Variants in NCBP3 observed in about 807,000 individuals in gnomAD.
NCBP3 encodes the protein nuclear cap-binding protein subunit 3.
A neutral mutation model predicts 75.7 loss-of-function variants in NCBP3; 20 were observed. That is an observed-to-expected ratio of 0.26 (90% CI 0.19 to 0.38). The LOEUF is 0.38. NCBP3 is among the 10% of genes least tolerant of loss of function. The probability of loss-of-function intolerance (pLI) is 1.00; values close to 1 mark genes in which losing one functional copy is unlikely to be tolerated. For synonymous variants in NCBP3, 293 were observed against 290.5 expected (o/e 1.01, Z -0.09); for missense variants, 678 against 796.9 (o/e 0.85, Z 1.80).
intron 2 of NCBP3, among the ~76,000 whole-genome samples, chr17:3,841,979 G>GA (rs950993507): frequency 2.0e-5 from 3 of 151,854 alleles, no homozygotes; most frequent in African/African-American, 7.3e-5. Flanking sequence ...ATTAAAATCA[G>GA]AAAAAATGTC....
At chr17:3,815,858 G>A (rs1274823679) in intron 11 of NCBP3, among the ~76,000 whole-genome samples, 1 of 152,030 alleles carries the variant, frequency 6.6e-6, no homozygotes. Context: ...GCGGGGAGGG[G>A]GTCCTGGAAG....
intron 8 of NCBP3, 110 bp from the exon 9 acceptor site, chr17:3,821,462 T>C: frequency 1.2e-6 from 1 of 835,600 alleles, no homozygotes; most frequent in Non-Finnish European, 1.9e-6. Flanking sequence ...TCAATCTCTC[T>C]CCCAGGCTGA....
At chr17:3,838,166 G>T (rs950186181) in intron 3 of NCBP3, among the ~76,000 whole-genome samples, 1 of 152,198 alleles carries the variant, frequency 6.6e-6, no homozygotes, top group African/African-American at 2.4e-5. Flanking sequence ...TCCAACAGAT[G>T]TGAGAAAACA....
Position 3,846,141 on chromosome 17 carries a change from G to C in NCBP3, c.83C>G (p.Ala28Gly), listed in dbSNP as rs2054160405. 6.5e-7 allele frequency: 1 copy of C among 1,540,412 alleles called. No individual in the cohort carries two copies. Among genetic ancestry groups the C allele is most frequent in the Admixed American group, 2.0e-5 (1 of 50,466 alleles). The change falls in exon 1 of 13, where the codon GCG (alanine) becomes GGG (glycine). Residue 28 changes from alanine to glycine, a missense_variant. Around this residue, in one of 7 missense-constraint regions of NCBP3, gnomAD observed 76 missense variants for 53.8 expected, o/e 1.41. Coordinates refer to ENST00000389005, the MANE Select transcript of NCBP3 (RefSeq NM_001114118.3). This position sits in a 1 kb window ranked among gnomAD's most constrained non-coding sequence, Gnocchi z 4.6. ...GPALGLPSPE[A>G]ESGVDRGEPE... is the part of the protein sequence containing the mutation. ...CTCGCCACGGTCAACACCGGACTCCGCCTCAGGGGACGGGAGCCCCAGGGC... is the reference window on the plus strand; with the variant it reads ...CTCGCCACGGTCAACACCGGACTCCCCCTCAGGGGACGGGAGCCCCAGGGC...
rs1197854095 is a variant in NCBP3 at position 3,805,073 on chromosome 17, TCTC to T, written c.*7968_*7970del. The T allele has an allele frequency of 6.6e-6, 1 of 152,364 alleles. No homozygotes were observed. Among genetic ancestry groups the T allele is most frequent in the African/African-American group, 2.4e-5 (1 of 41,440 alleles). 9.4% of individuals were successfully genotyped at this position (152,364 alleles called of 1,614,324 possible). On this transcript the variant is annotated 3_prime_UTR_variant, in exon 13 of 13. Coordinates refer to ENST00000389005, the MANE Select transcript of NCBP3 (RefSeq NM_001114118.3). The stretch of plus-strand genomic sequence containing the variant: ...CCTCTGCCTCCTGGGTTCAAGCGAT[TCTC>T]CTGCCTCAGCCTCCCGAGTAGCTGG...
chr17:3,820,534 G>A (rs2053641496), intron 9 of NCBP3, among the ~76,000 whole-genome samples: 1 of 152,166 alleles, frequency 6.6e-6, no homozygotes. Flanking sequence ...CTCTTCTGAG[G>A]CATTCACATG....
rs1480946084 is a variant in NCBP3 at position 3,832,375 on chromosome 17, T to A, written c.356-3007A>T. Among the ~76,000 whole-genome samples the A allele has an allele frequency of 6.6e-5, 8 of 120,396 alleles. 2 individuals carry two copies. Among genetic ancestry groups the A allele is most frequent in the Non-Finnish European group, 1.6e-4 (8 of 50,136 alleles). 79.0% of individuals were successfully genotyped at this position (120,396 alleles called of 152,430 possible). On this transcript the variant is annotated intron_variant, in intron 3 of 12. Coordinates refer to ENST00000389005, the MANE Select transcript of NCBP3 (RefSeq NM_001114118.3). ...ATGGGCAGGCGCGGTGGCTCACGCC[T>A]GTAATCCCAGCACTTTGGGAGGCCG... is the stretch of plus-strand genomic sequence containing the variant.
intron 8 of NCBP3, 70 bp downstream of exon 8, chr17:3,821,883 C>A: frequency 1.0e-6 from 1 of 989,050 alleles, no homozygotes; most frequent in South Asian, 1.4e-5. Flanking sequence ...TTAGACATTT[C>A]ACCACGGAAT....
intron 12 of NCBP3, 152 bp from the exon 13 acceptor site, chr17:3,813,431 T>C: frequency 3.0e-6 from 3 of 990,608 alleles, no homozygotes; most frequent in Non-Finnish European, 4.4e-6. Flanking sequence ...GCAGGCAAAA[T>C]CTCATTTCCC....
At chr17:3,831,098 A>T (rs2143687479) in intron 3 of NCBP3, among the ~76,000 whole-genome samples, 1 of 149,354 alleles carries the variant, frequency 6.7e-6, no homozygotes, top group African/African-American at 2.5e-5. Context: ...TTTAGTAGAG[A>T]CGACGTTTCT....
intron 3 of NCBP3, among the ~76,000 whole-genome samples, chr17:3,833,669 C>T (rs2053924562): frequency 6.6e-6 from 1 of 151,274 alleles, no homozygotes; most frequent in Non-Finnish European, 1.5e-5. Flanking sequence ...ACATCTGAGG[C>T]CAGAAATTTT....
At chr17:3,844,791 G>A (rs933925441) in intron 1 of NCBP3, among the ~76,000 whole-genome samples, 4 of 152,158 alleles carry the variant, frequency 2.6e-5, no homozygotes, top group East Asian at 3.9e-4. Flanking sequence ...CGGAGGTTGC[G>A]GTGAGCCAAG....
chr17:3,844,576 C>T (rs760455554), intron 1 of NCBP3, among the ~76,000 whole-genome samples: 22 of 152,122 alleles, frequency 1.4e-4, no homozygotes, highest in Non-Finnish European at 2.8e-4. Context: ...GTTGGCCGGA[C>T]GCAATGGCTC....
At chr17:3,828,061 G>C (rs2053818241) in intron 4 of NCBP3, among the ~76,000 whole-genome samples, 1 of 152,178 alleles carries the variant, frequency 6.6e-6, no homozygotes, top group Admixed American at 6.5e-5. Context: ...TGGGATTACA[G>C]GTGTGCATCG....
chr17:3,837,421 C>T lies in NCBP3; in HGVS notation c.355+2679G>A, dbSNP rs1436328978. ...CTGAAGCAGGAGAATCGCTTGAACC[C>T]GGGCGGCAGAGGTTGCAGTGAGCCG... On this transcript the variant is annotated intron_variant, in intron 3 of 12. Transcript: ENST00000389005. Among the ~76,000 whole-genome samples, 11 of 149,486 alleles carry T rather than the reference C, an allele frequency of 7.4e-5. No homozygotes were observed. The East Asian group carries it at 7.9e-4, about 11-fold the overall frequency.
chr17:3,825,153 C>T (rs766733225), intron 6 of NCBP3, 103 bp from the exon 7 acceptor site: 1 of 602,216 alleles, frequency 1.7e-6, no homozygotes, highest in Non-Finnish European at 2.8e-6. Flanking sequence ...TTAATACTTA[C>T]AAGCATTATA....
At chr17:3,840,652 C>T (rs2054048093) in intron 2 of NCBP3, among the ~76,000 whole-genome samples, 1 of 152,214 alleles carries the variant, frequency 6.6e-6, no homozygotes, top group Admixed American at 6.5e-5. Context: ...GCAAGCAGAT[C>T]TGATTCCAGT....
intron 8 of NCBP3, 127 bp downstream of exon 8, chr17:3,821,826 G>T: frequency 1.5e-6 from 1 of 669,244 alleles, no homozygotes; most frequent in South Asian, 1.9e-5. Flanking sequence ...CCACATCTAA[G>T]AATCTTGAAT....
chr17:3,830,392 T>C (rs756040071), intron 3 of NCBP3, among the ~76,000 whole-genome samples: 3 of 151,984 alleles, frequency 2.0e-5, no homozygotes, highest in Non-Finnish European at 4.4e-5. Flanking sequence ...TATCACAGAG[T>C]GAAAAAACAA....
Sources: allele counts gnomAD v4.1 joint callset (sites outside exome capture counted in the v4.1 genomes callset), GRCh38; gene constraint gnomAD v4.1.1; regional missense constraint gnomAD v4.1.1; non-coding constraint Gnocchi (gnomAD v3.1); transcripts MANE v1.5; gene names NCBI Gene and HGNC (gene_info 2026-07-23, HGNC 2026-07-21).